Variants in PHLDB2 observed in about 807,000 individuals in gnomAD.
PHLDB2 encodes the protein pleckstrin homology like domain family B member 2, also known as pleckstrin homology-like domain family B member 2.
In PHLDB2, 71 loss-of-function variants were observed where a neutral mutation model predicts 123.6. The ratio of observed to expected loss-of-function variants is 0.57; its 90% CI spans 0.47 to 0.70. The LOEUF (loss-of-function observed/expected upper bound fraction) is 0.70. Ranked by LOEUF, PHLDB2 falls within the 30% of genes least tolerant of loss-of-function variation. PHLDB2 has a pLI of 0.00. For missense variants in PHLDB2, 1,446 were observed against 1,519.5 expected, an observed-to-expected ratio of 0.95 and a Z score of 0.80; for synonymous variants, 547 against 541.6, an observed-to-expected ratio of 1.01 and a Z score of -0.14.
intron 1 of PHLDB2, among the ~76,000 whole-genome samples, chr3:111,740,564 T>A (rs1412408129): frequency 6.6e-6 from 1 of 152,172 alleles, no homozygotes; most frequent in East Asian, 1.9e-4. Flanking sequence ...ATTCCTAATA[T>A]CTAACTAACT....
At chr3:111,752,219 AGT>A (rs57931243) in intron 1 of PHLDB2, among the ~76,000 whole-genome samples, 55 of 146,928 alleles carry the variant, frequency 3.7e-4, no homozygotes, top group African/African-American at 1.0e-3. Flanking sequence ...GAAGTTTCTA[AGT>A]GTGTGTGTGT....
intron 2 of PHLDB2, among the ~76,000 whole-genome samples, chr3:111,905,759 CAT>C (rs2067486238): frequency 6.6e-6 from 1 of 152,126 alleles, no homozygotes; most frequent in African/African-American, 2.4e-5. Context: ...GCAGCAAACA[CAT>C]GAGTAATATG....
At chr3:111,960,837 C>G (rs990083204) in intron 12 of PHLDB2, among the ~76,000 whole-genome samples, 2 of 152,192 alleles carry the variant, frequency 1.3e-5, no homozygotes, top group Non-Finnish European at 2.9e-5. Flanking sequence ...AACTCTAGTA[C>G]TGGCTAGAGA....
At chr3:111,885,489 C>T (rs1240812119) in intron 2 of PHLDB2, 77 bp downstream of exon 2, 2 of 1,562,122 alleles carry the variant, frequency 1.3e-6, no homozygotes, top group Non-Finnish European at 1.8e-6. Context: ...GAGATGGACT[C>T]CAGGATATGT....
intron 1 of PHLDB2, among the ~76,000 whole-genome samples, chr3:111,830,987 A>AAGAAAG (rs2062972002): frequency 1.4e-5 from 1 of 71,106 alleles, no homozygotes; most frequent in African/African-American, 7.6e-5. Flanking sequence ...GAAAGAAAGA[A>AAGAAAG]AGAAAGAAAG....
chr3:111,903,573 C>T (rs1236243622), intron 2 of PHLDB2, among the ~76,000 whole-genome samples: 1 of 152,148 alleles, frequency 6.6e-6, no homozygotes, highest in Non-Finnish European at 1.5e-5. Context: ...CCTGTATTTC[C>T]TTTCCCTGAA....
intron 1 of PHLDB2, among the ~76,000 whole-genome samples, chr3:111,875,265 C>T (rs1449008007): frequency 3.3e-5 from 5 of 151,990 alleles, no homozygotes; most frequent in Non-Finnish European, 7.4e-5. Context: ...TCTCCTGCCT[C>T]AGCCTCCCAA....
chr3:111,931,577 A>G (rs1382322636), intron 5 of PHLDB2, among the ~76,000 whole-genome samples: 1 of 152,060 alleles, frequency 6.6e-6, no homozygotes, highest in African/African-American at 2.4e-5. Context: ...GTATTTCCGC[A>G]GTCCCCGTCA....
At chr3:111,735,176 C>A (rs1468129352) in intron 1 of PHLDB2, among the ~76,000 whole-genome samples, 1 of 152,202 alleles carries the variant, frequency 6.6e-6, no homozygotes, top group East Asian at 1.9e-4. Context: ...TATCTCATCT[C>A]AGCAAATACC....
At chr3:111,902,224 AC>A (rs1457054857) in intron 2 of PHLDB2, among the ~76,000 whole-genome samples, 1 of 152,212 alleles carries the variant, frequency 6.6e-6, no homozygotes, top group Non-Finnish European at 1.5e-5. Context: ...AGTCAGGAAA[AC>A]GTCATTGGCC....
chr3:111,734,947 G>C (rs755327718), intron 1 of PHLDB2, among the ~76,000 whole-genome samples: 23 of 152,188 alleles, frequency 1.5e-4, no homozygotes, highest in Non-Finnish European at 2.8e-4. Flanking sequence ...GGATAAAACA[G>C]GCAAGAGCAA....
At chr3:111,780,399 A>AGAAGAAGAAGAAGAAGGAAG (rs1553726797) in intron 1 of PHLDB2, among the ~76,000 whole-genome samples, 1 of 74,364 alleles carries the variant, frequency 1.3e-5, no homozygotes, top group African/African-American at 4.7e-5. Context: ...AAGAAGAAGA[A>AGAAGAAGAAGAAGAAGGAAG]GAAGAAGAAG....
intron 13 of PHLDB2, among the ~76,000 whole-genome samples, chr3:111,965,319 C>T (rs780660498): frequency 3.9e-5 from 6 of 152,116 alleles, no homozygotes; most frequent in Non-Finnish European, 5.9e-5. Flanking sequence ...TATAAGGATC[C>T]GGTATTCCTA....
At chr3:111,747,244 A>C (rs947392673) in intron 1 of PHLDB2, among the ~76,000 whole-genome samples, 1 of 152,186 alleles carries the variant, frequency 6.6e-6, no homozygotes, top group African/African-American at 2.4e-5. Flanking sequence ...GAAAAGTATT[A>C]CATATATTTA....
chr3:111,931,331 G>C (rs2069136386), intron 5 of PHLDB2, among the ~76,000 whole-genome samples: 1 of 152,156 alleles, frequency 6.6e-6, no homozygotes, highest in African/African-American at 2.4e-5. Context: ...GGGAAGACTG[G>C]CACCAAAAAA....
chr3:111,872,638 A>G (rs932352895), intron 1 of PHLDB2, among the ~76,000 whole-genome samples: 1 of 152,080 alleles, frequency 6.6e-6, no homozygotes, highest in African/African-American at 2.4e-5. Flanking sequence ...TCCTCATTCA[A>G]AATACACGAC....
chr3:111,824,953 A>G (rs1205908412), intron 1 of PHLDB2, among the ~76,000 whole-genome samples: 1 of 152,040 alleles, frequency 6.6e-6, no homozygotes, highest in Admixed American at 6.6e-5. Context: ...CCACTTGTAG[A>G]CCCTTTACCT....
At chr3:111,756,171 C>T (rs1202200624) in intron 1 of PHLDB2, among the ~76,000 whole-genome samples, 93 of 151,814 alleles carry the variant, frequency 6.1e-4, no homozygotes, top group Non-Finnish European at 4.4e-4. Flanking sequence ...CTATTAGGTC[C>T]GCTTGGTGCA....
intron 1 of PHLDB2, among the ~76,000 whole-genome samples, chr3:111,822,295 A>ATGTGTGTGTGTGTGTGTGTGTGTG (rs35687126): frequency 1.8e-4 from 26 of 144,128 alleles, no homozygotes; most frequent in African/African-American, 5.6e-4. Flanking sequence ...ATCTTTATGT[A>ATGTGTGTGTGTGTGTGTGTGTGTG]TGTGTGTGTG....
Sources: gnomAD v4.1 joint callset for allele counts (sites outside exome capture counted in the v4.1 genomes callset) on GRCh38, gnomAD v4.1.1 for gene constraint, MANE v1.5 for transcripts, NCBI Gene and HGNC (gene_info 2026-07-23, HGNC 2026-07-21) for gene names.